SLC25A21: variants seen among roughly 807,000 people sequenced by gnomAD.
SLC25A21 encodes mitochondrial 2-oxodicarboxylate carrier.
SLC25A21 carries 47 observed loss-of-function variants against 43.8 expected under a neutral mutation model. That is an observed-to-expected ratio of 1.07 (90% CI 0.85 to 1.37). SLC25A21 has a LOEUF of 1.37. Among genes scored for constraint, SLC25A21 ranks in the 40% most tolerant of loss-of-function variants. SLC25A21 has a pLI of 0.00. For synonymous variants in SLC25A21, 131 were observed against 121.3 expected (o/e 1.08, Z -0.52); for missense variants, 352 against 350.2 (o/e 1.00, Z -0.04).
Position 36,798,565 on chromosome 14 carries a change from T to A in SLC25A21, c.203+15353A>T, listed in dbSNP as rs1302328260. Among the ~76,000 whole-genome samples the A allele has an allele frequency of 2.3e-5, 3 of 128,194 alleles. No homozygotes were observed. In the East Asian group the frequency reaches 7.6e-4, roughly 32 times the overall value. The allele number at this position is 128,194 out of a possible 152,430, so 84.1% of individuals were successfully genotyped here. On this transcript the variant is annotated intron_variant, in intron 3 of 9. Transcript: ENST00000331299. ...AAGGCCAGAGCTGGGTTTTTTTTTT[T>A]TAATGTAACTGGTATGCTGCCTAAC...
intron 7 of SLC25A21, among the ~76,000 whole-genome samples, chr14:36,704,593 G>T (rs1280886160): frequency 6.8e-6 from 1 of 146,994 alleles, no homozygotes; most frequent in Non-Finnish European, 1.5e-5. Context: ...GGAGGCGGAG[G>T]TTGCAGTGAG....
chr14:36,848,317 T>C (rs1389786763), intron 2 of SLC25A21, among the ~76,000 whole-genome samples: 1 of 152,220 alleles, frequency 6.6e-6, no homozygotes, highest in African/African-American at 2.4e-5. Context: ...ATACGTTATG[T>C]ATATTCTCCA....
intron 9 of SLC25A21, among the ~76,000 whole-genome samples, 188 bp from the exon 10 acceptor site, chr14:36,680,907 ATCTTGAGTC>A (rs1882219119): frequency 6.6e-6 from 1 of 152,240 alleles, no homozygotes. Context: ...AATCAAGACC[ATCTTGAGTC>A]TCCAAATACA....
At chr14:36,978,396 C>T (rs928773658) in intron 1 of SLC25A21, among the ~76,000 whole-genome samples, 1 of 152,136 alleles carries the variant, frequency 6.6e-6, no homozygotes, top group Non-Finnish European at 1.5e-5. Flanking sequence ...AAATGATGTG[C>T]ATATCTTAAT....
chr14:36,857,853 T>C (rs146779254), intron 2 of SLC25A21, among the ~76,000 whole-genome samples: 73 of 152,344 alleles, frequency 4.8e-4, no homozygotes, highest in Non-Finnish European at 8.7e-4. Context: ...TGAGCACCTA[T>C]AGGGTCAACA....
At chr14:36,912,988 T>C (rs911494544) in intron 1 of SLC25A21, among the ~76,000 whole-genome samples, 47 of 152,174 alleles carry the variant, frequency 3.1e-4, no homozygotes, top group Non-Finnish European at 5.0e-4. Flanking sequence ...CCTTTTTTTT[T>C]CCCAGCAACC....
rs1964152554 is a variant in SLC25A21 at position 37,172,493 on chromosome 14, T to C, written c.-143A>G. The C allele has an allele frequency of 4.5e-6, 4 of 880,486 alleles. No individual in the cohort carries two copies. The highest frequency in any genetic ancestry group is 2.8e-5 in the South Asian group (2 of 70,516). 54.5% of individuals were successfully genotyped at this position (880,486 alleles called of 1,614,324 possible). On this transcript the variant is annotated 5_prime_UTR_variant, in exon 1 of 10. Transcript: ENST00000331299. ...TGTGGAGCAGCAATCCGGCGACTGCTGGAAAGCGAGGGTTCGAGGCGCAGA... is the reference window on the plus strand; with the variant it reads ...TGTGGAGCAGCAATCCGGCGACTGCCGGAAAGCGAGGGTTCGAGGCGCAGA...
At chr14:36,709,500 G>A (rs1883736061) in intron 7 of SLC25A21, among the ~76,000 whole-genome samples, 1 of 152,138 alleles carries the variant, frequency 6.6e-6, no homozygotes, top group African/African-American at 2.4e-5. Context: ...AGCTCTGAGG[G>A]TCCCTGGAGT....
intron 1 of SLC25A21, among the ~76,000 whole-genome samples, chr14:36,889,342 G>A (rs1342788900): frequency 6.6e-6 from 1 of 152,190 alleles, no homozygotes; most frequent in Non-Finnish European, 1.5e-5. Flanking sequence ...TGTAAAATAA[G>A]TGCCAGCTGA....
intron 1 of SLC25A21, among the ~76,000 whole-genome samples, chr14:37,058,185 A>G (rs1961871087): frequency 6.6e-6 from 1 of 152,232 alleles, no homozygotes; most frequent in Non-Finnish European, 1.5e-5. Context: ...CATACAATTC[A>G]ATGTAATCTG....
intron 3 of SLC25A21, among the ~76,000 whole-genome samples, chr14:36,813,350 T>C (rs1888337530): frequency 7.1e-6 from 1 of 141,186 alleles, no homozygotes; most frequent in South Asian, 2.6e-4. Flanking sequence ...GATCAGATAA[T>C]TAATCGGACG....
At chr14:36,884,501 T>C (rs559949337) in intron 1 of SLC25A21, among the ~76,000 whole-genome samples, 1 of 152,318 alleles carries the variant, frequency 6.6e-6, no homozygotes, top group Admixed American at 6.5e-5. Flanking sequence ...AGAAGTGGGA[T>C]TGCTGGATCA....
intron 2 of SLC25A21, among the ~76,000 whole-genome samples, chr14:36,843,616 C>T (rs964108959): frequency 1.1e-4 from 15 of 133,332 alleles, no homozygotes; most frequent in African/African-American, 3.5e-4. Flanking sequence ...TCACTTGAAA[C>T]TAAGTTGAAG....
At chr14:36,984,606 G>A (rs921664594) in intron 1 of SLC25A21, among the ~76,000 whole-genome samples, 2 of 151,684 alleles carry the variant, frequency 1.3e-5, no homozygotes, top group African/African-American at 4.8e-5. Flanking sequence ...AACCTTTGTA[G>A]GTTTAAGCGT....
intron 3 of SLC25A21, among the ~76,000 whole-genome samples, chr14:36,743,394 T>A (rs1033960125): frequency 6.6e-6 from 1 of 152,042 alleles, no homozygotes; most frequent in Non-Finnish European, 1.5e-5. Context: ...AAGGGCAGTT[T>A]TTCACTTAGG....
At chr14:36,853,758 C>T (rs1401902557) in intron 2 of SLC25A21, among the ~76,000 whole-genome samples, 2 of 152,132 alleles carry the variant, frequency 1.3e-5, no homozygotes, top group Non-Finnish European at 2.9e-5. Flanking sequence ...ATGGTCTGAC[C>T]CCTGGGACTT....
chr14:37,071,836 A>T (rs552308204), intron 1 of SLC25A21, among the ~76,000 whole-genome samples: 1 of 152,240 alleles, frequency 6.6e-6, no homozygotes, highest in South Asian at 2.1e-4. Context: ...GAAAAATGCT[A>T]CTAATTAGTT....
chr14:36,919,546 T>C (rs1891919291), intron 1 of SLC25A21, among the ~76,000 whole-genome samples: 1 of 152,030 alleles, frequency 6.6e-6, no homozygotes, highest in Non-Finnish European at 1.5e-5. Flanking sequence ...TTCTTGATAT[T>C]CTATAGTACA....
chr14:36,814,955 G>A lies in SLC25A21; in HGVS notation c.120-954C>T, dbSNP rs138722863. ...CAATGATAGACTGGATTAAGAAAAT[G>A]TGGCACATATACACCATGGAATACT... On this transcript the variant is annotated intron_variant, in intron 2 of 9. Transcript: ENST00000331299. Among the ~76,000 whole-genome samples the A allele has an allele frequency of 6.1e-3, 925 of 152,280 alleles. 17 individuals carry two copies. Among genetic ancestry groups the A allele is most frequent in the African/African-American group, 0.021 (878 of 41,542 alleles).
Sources: allele counts gnomAD v4.1 joint callset (sites outside exome capture counted in the v4.1 genomes callset), GRCh38; gene constraint gnomAD v4.1.1; transcripts MANE v1.5; gene names NCBI Gene and HGNC (gene_info 2026-07-23, HGNC 2026-07-21).